PKN2: variants seen among roughly 807,000 people sequenced by gnomAD.
PKN2 encodes the protein serine/threonine-protein kinase N2.
PKN2 carries 38 observed loss-of-function variants against 119.1 expected under a neutral mutation model. The ratio of observed to expected loss-of-function variants is 0.32; its 90% CI spans 0.25 to 0.42. The LOEUF is 0.42. Among genes scored for constraint, PKN2 ranks in the 10% least tolerant of loss-of-function variants. The pLI is 1.00. For missense variants in PKN2, 850 were observed against 1,165.1 expected (o/e 0.73, Z 3.94); for synonymous variants, 390 against 384.9 (o/e 1.01, Z -0.15).
intron 8 of PKN2, among the ~76,000 whole-genome samples, chr1:88,794,387 C>T (rs1331862215): frequency 7.0e-6 from 1 of 141,974 alleles, no homozygotes; most frequent in Non-Finnish European, 1.5e-5. Context: ...AAAAAAAAAT[C>T]AATATGCCAG....
chr1:88,801,521 G>A (rs536151491), intron 8 of PKN2, among the ~76,000 whole-genome samples: 1 of 152,322 alleles, frequency 6.6e-6, no homozygotes, highest in Non-Finnish European at 1.5e-5. Context: ...CATGCTGGAT[G>A]TTAGGATTTA....
chr1:88,830,691 T>G (rs1672692601), intron 19 of PKN2, among the ~76,000 whole-genome samples: 1 of 152,096 alleles, frequency 6.6e-6, no homozygotes, highest in African/African-American at 2.4e-5. Flanking sequence ...ACAAGGAAGC[T>G]CCTGTTTCAT....
In PKN2 at chr1:88,781,066, C is replaced by G. The variant is rs1057452267; in HGVS notation, c.986-3573C>G. 3.5e-6 allele frequency: 4 copies of G among 1,134,178 alleles called. No homozygotes were observed. The African/African-American group carries it at 6.7e-5, about 19-fold the overall frequency. The allele number at this position is 1,134,178 out of a possible 1,614,324, so 70.3% of individuals were successfully genotyped here. A position where few individuals can be genotyped will look rare whatever the true frequency, so the allele number is the denominator to read the frequency against. ...TTTTAAAAAATTCTTTAAGCTCCTACTGGACCATAAACTAAATTTTAAGTA... is the reference window on the plus strand; with the variant it reads ...TTTTAAAAAATTCTTTAAGCTCCTAGTGGACCATAAACTAAATTTTAAGTA... On this transcript the variant is annotated intron_variant, in intron 6 of 21. Coordinates refer to ENST00000370521, the MANE Select transcript of PKN2 (RefSeq NM_006256.4).
At chr1:88,742,322 C>G (rs1281324481) in intron 2 of PKN2, among the ~76,000 whole-genome samples, 2 of 152,136 alleles carry the variant, frequency 1.3e-5, no homozygotes, top group Admixed American at 1.3e-4. Flanking sequence ...TTTACCATCT[C>G]AAAAGTTGCA....
At chr1:88,805,323 AT>A (rs1280080118) in intron 10 of PKN2, among the ~76,000 whole-genome samples, 173 bp from the exon 11 acceptor site, 1 of 152,236 alleles carries the variant, frequency 6.6e-6, no homozygotes, top group Non-Finnish European at 1.5e-5. Flanking sequence ...AAAACTACGT[AT>A]GCTATTTTGC....
chr1:88,820,189 T>TA (rs1672196464), intron 16 of PKN2, among the ~76,000 whole-genome samples: 3 of 3,976 alleles, frequency 7.5e-4, no homozygotes, highest in African/African-American at 1.4e-3. Context: ...CCTATATATA[T>TA]ATATATATAT....
chr1:88,747,748 G>A (rs1668826251), intron 2 of PKN2, among the ~76,000 whole-genome samples: 1 of 151,740 alleles, frequency 6.6e-6, no homozygotes, highest in Non-Finnish European at 1.5e-5. Context: ...TATTAATTTG[G>A]TGAATATTTT....
intron 1 of PKN2, among the ~76,000 whole-genome samples, chr1:88,731,182 G>A (rs1668132010): frequency 6.6e-6 from 1 of 152,152 alleles, no homozygotes; most frequent in Non-Finnish European, 1.5e-5. Flanking sequence ...TAGGGAAACC[G>A]AAAGATAGAT....
chr1:88,741,146 G>A lies in PKN2; in HGVS notation c.207G>A (p.Leu69=), dbSNP rs1389023846. The change falls in exon 2 of 22, where the codon CTG becomes CTA. Residue 69 remains leucine (L), a synonymous_variant. Transcript: ENST00000370521. ...AAATCAAAGAAGGAGCTGAAAATCTGAGGAAAGTCACAACAGATAAAAAAA... is the reference window on the plus strand; with the variant it reads ...AAATCAAAGAAGGAGCTGAAAATCTAAGGAAAGTCACAACAGATAAAAAAA... ...ELKIKEGAEN[L]RKVTTDKKSL... is the part of the protein sequence containing the mutation. 1 of 1,612,676 alleles carries A rather than the reference G, an allele frequency of 6.2e-7. No homozygotes were observed. Among genetic ancestry groups the A allele is most frequent in the Non-Finnish European group, 8.5e-7 (1 of 1,179,430 alleles).
chr1:88,750,988 T>C (rs1404195066), intron 2 of PKN2, among the ~76,000 whole-genome samples: 1 of 152,212 alleles, frequency 6.6e-6, no homozygotes, highest in Non-Finnish European at 1.5e-5. Flanking sequence ...TGTTAGTTTC[T>C]TGATTTAAAC....
chr1:88,817,260 A>G lies in PKN2; in HGVS notation c.2279+3527A>G, dbSNP rs142206633. On this transcript the variant is annotated intron_variant, in intron 16 of 21. Transcript: ENST00000370521. ...CTGGTTCAACACACACAAATCAATA[A>G]ACGTAATCCATCACATAAACAGAAC... is the stretch of plus-strand genomic sequence containing the variant. 3.6e-3 allele frequency among the ~76,000 whole-genome samples: 547 copies of G among 152,186 alleles called. 4 individuals are homozygous for G. Among genetic ancestry groups the G allele is most frequent in the African/African-American group, 0.013 (531 of 41,520 alleles).
At chr1:88,830,142 C>G (rs786915) in intron 19 of PKN2, among the ~76,000 whole-genome samples, 77,206 of 151,920 alleles carry the variant, frequency 0.51, 20,309 homozygotes, top group Middle Eastern at 0.7. Context: ...CTTAAAGTCA[C>G]ACAGCTCTCA....
intron 8 of PKN2, among the ~76,000 whole-genome samples, chr1:88,789,776 C>T (rs2100838763): frequency 6.6e-6 from 1 of 152,068 alleles, no homozygotes; most frequent in South Asian, 2.1e-4. Flanking sequence ...ACTCACACTA[C>T]ATGAAAGAAG....
chr1:88,762,734 C>T (rs2100785313), intron 3 of PKN2, among the ~76,000 whole-genome samples: 1 of 152,166 alleles, frequency 6.6e-6, no homozygotes, highest in East Asian at 1.9e-4. Context: ...ACTTTGGAAG[C>T]ACAATGGAGA....
intron 2 of PKN2, among the ~76,000 whole-genome samples, chr1:88,756,658 C>G (rs959080491): frequency 2.0e-5 from 3 of 152,116 alleles, no homozygotes; most frequent in African/African-American, 7.2e-5. Context: ...ACACTTCTTA[C>G]AAGATTCTGA....
At chr1:88,801,804 T>C (rs1275505678) in intron 8 of PKN2, among the ~76,000 whole-genome samples, 1 of 152,236 alleles carries the variant, frequency 6.6e-6, no homozygotes, top group Non-Finnish European at 1.5e-5. Context: ...AGAGCACACC[T>C]GAACAAAGGA....
rs1672812943 is a variant in PKN2, at chr1:88,833,429, A to G, written c.2936A>G (p.Tyr979Cys). ...CAGGAAATGTTCAGAGATTTTGACT[A>G]CATTGCTGATTGGTGTTAAGTTGCT... is the stretch of plus-strand genomic sequence containing the variant. ...EEQEMFRDFDYIADWC is the reference protein window; with the variant it reads ...EEQEMFRDFDCIADWC The change falls in exon 22 of 22, where the codon TAC (tyrosine) becomes TGC (cysteine). Residue 979 changes from tyrosine (Y) to cysteine (C), a missense_variant. Physicochemically the swap from Tyr to Cys is radical, Grantham distance 194. This residue lies in a region of PKN2 where 52 missense variants were observed against 39.9 expected (regional missense o/e 1.30). Coordinates refer to ENST00000370521, the MANE Select transcript of PKN2 (RefSeq NM_006256.4). 4.3e-6 allele frequency: 7 copies of G among 1,613,134 alleles called. No individual in the cohort carries two copies. Among genetic ancestry groups the G allele is most frequent in the Non-Finnish European group, 5.9e-6 (7 of 1,179,266 alleles).
chr1:88,692,030 G>T (rs1392916203), intron 1 of PKN2, among the ~76,000 whole-genome samples: 1 of 150,278 alleles, frequency 6.7e-6, no homozygotes. Context: ...GTGGATAAAA[G>T]GAGACTACTG....
intron 3 of PKN2, among the ~76,000 whole-genome samples, chr1:88,763,596 A>AAAC (rs1224553579): frequency 6.8e-6 from 1 of 146,898 alleles, no homozygotes; most frequent in Non-Finnish European, 1.5e-5. Flanking sequence ...AACAAAAGCA[A>AAAC]AACTCCATCT....
Sources: gnomAD v4.1 joint callset for allele counts (sites outside exome capture counted in the v4.1 genomes callset) on GRCh38, gnomAD v4.1.1 for gene constraint, gnomAD v4.1.1 regional missense constraint, MANE v1.5 for transcripts, NCBI Gene and HGNC (gene_info 2026-07-23, HGNC 2026-07-21) for gene names.